SLC24A2: variants seen among roughly 807,000 people sequenced by gnomAD.
SLC24A2 encodes solute carrier family 24 member 2, also known as sodium/potassium/calcium exchanger 2.
In SLC24A2, 36 loss-of-function variants were observed where a neutral mutation model predicts 62.0. That is an observed-to-expected ratio of 0.58 (90% CI 0.44 to 0.77). The LOEUF (loss-of-function observed/expected upper bound fraction) is 0.77, where lower values mean the gene tolerates loss of function less well. Among genes scored for constraint, SLC24A2 ranks in the 30% least tolerant of loss-of-function variants. SLC24A2 has a pLI of 0.00. For synonymous variants in SLC24A2, 358 were observed against 294.0 expected (o/e 1.22, Z -2.23); for missense variants, 846 against 817.9 (o/e 1.03, Z -0.42).
At chr9:20,145,462 A>G in the SLC24A2 span, among the ~76,000 whole-genome samples, 1 of 152,114 alleles carries the variant, frequency 6.6e-6, no homozygotes, top group East Asian at 1.9e-4. Context: ...CGATCTCAAC[A>G]GTGAATAGTA....
rs528511573 is a variant in SLC24A2, at chr9:19,786,697, C to A, written c.170G>T (p.Ser57Ile). The change falls in exon 2 of 11, where the codon AGT becomes ATT. Residue 57 changes from serine (S) to isoleucine (I), a missense_variant. Transcript: ENST00000341998. This position sits in a 1 kb window ranked among gnomAD's most constrained non-coding sequence, Gnocchi z 5.0. ...VAISTVSFSI[S>I]AFSETDTQST... Reference sequence around the variant, plus strand: ...CTGTGTATCTGTCTCAGAAAAGGCACTGATTGAAAATGAGACAGTGCTAAT... The same window carrying A: ...CTGTGTATCTGTCTCAGAAAAGGCAATGATTGAAAATGAGACAGTGCTAAT... 1.3e-5 allele frequency: 21 copies of A among 1,612,138 alleles called. No individual in the cohort carries two copies. The South Asian group carries it at 2.2e-4, about 17-fold the overall frequency.
At chr9:19,943,794 A>G in the SLC24A2 span, among the ~76,000 whole-genome samples, 4 of 152,316 alleles carry the variant, frequency 2.6e-5, no homozygotes, top group Admixed American at 1.3e-4. Flanking sequence ...TCTCTTCACT[A>G]ATACTTGAAA....
intron 2 of SLC24A2, among the ~76,000 whole-genome samples, chr9:19,642,940 A>C (rs1460823473): frequency 1.4e-5 from 2 of 147,968 alleles, no homozygotes; most frequent in Admixed American, 1.3e-4. Context: ...TTGGCTTCCC[A>C]AAGTGCTGGG....
chr9:19,933,466 C>T, the SLC24A2 span, among the ~76,000 whole-genome samples: 1 of 151,964 alleles, frequency 6.6e-6, no homozygotes, highest in African/African-American at 2.4e-5. Context: ...ATTCTTAGTT[C>T]CATTCATTCA....
chr9:19,654,186 G>A (rs1159673434), intron 2 of SLC24A2, among the ~76,000 whole-genome samples: 1 of 152,034 alleles, frequency 6.6e-6, no homozygotes, highest in Non-Finnish European at 1.5e-5. Flanking sequence ...GAATGTAGTG[G>A]AATCATATAG....
chr9:20,008,548 T>G, the SLC24A2 span, among the ~76,000 whole-genome samples: 1 of 152,168 alleles, frequency 6.6e-6, no homozygotes, highest in African/African-American at 2.4e-5. Flanking sequence ...CATAGCCACC[T>G]TGGCAGCTCC....
At chr9:19,709,754 G>A (rs963132952) in intron 2 of SLC24A2, among the ~76,000 whole-genome samples, 9 of 108,020 alleles carry the variant, frequency 8.3e-5, no homozygotes, top group Non-Finnish European at 1.4e-4. Flanking sequence ...CTGTTGTGGT[G>A]TGGGGGGTGG....
At chr9:19,985,565 G>A in the SLC24A2 span, among the ~76,000 whole-genome samples, 2 of 152,102 alleles carry the variant, frequency 1.3e-5, no homozygotes, top group Admixed American at 1.3e-4. Context: ...ATTCTTGCCA[G>A]GGACCAGGGT....
chr9:20,233,616 G>A, the SLC24A2 span, among the ~76,000 whole-genome samples: 2 of 152,154 alleles, frequency 1.3e-5, no homozygotes, highest in Non-Finnish European at 2.9e-5. Flanking sequence ...GAGCCTATGT[G>A]TGTCTCTGCA....
At chr9:19,560,366 G>A (rs1375874370) in intron 7 of SLC24A2, among the ~76,000 whole-genome samples, 1 of 145,054 alleles carries the variant, frequency 6.9e-6, no homozygotes. Flanking sequence ...CAGAGATGAG[G>A]CCTCTAATGA....
intron 2 of SLC24A2, among the ~76,000 whole-genome samples, chr9:19,670,248 G>T (rs1262556110): frequency 6.6e-6 from 1 of 152,192 alleles, no homozygotes; most frequent in South Asian, 2.1e-4. Context: ...GGGGAGACAT[G>T]TTATCTCATC....
the SLC24A2 span, among the ~76,000 whole-genome samples, chr9:20,303,258 C>A: frequency 6.6e-6 from 1 of 152,220 alleles, no homozygotes; most frequent in Middle Eastern, 3.4e-3. Flanking sequence ...GAAACAGGGG[C>A]CTCCAAAGGG....
chr9:20,077,948 G>A, the SLC24A2 span, among the ~76,000 whole-genome samples: 6 of 152,250 alleles, frequency 3.9e-5, no homozygotes, highest in East Asian at 9.6e-4. Flanking sequence ...AACTATATTA[G>A]AACTAGAGGT....
the SLC24A2 span, among the ~76,000 whole-genome samples, chr9:19,829,764 T>C: frequency 1.8e-4 from 9 of 48,832 alleles, no homozygotes; most frequent in African/African-American, 4.2e-4. Context: ...TTTATATATA[T>C]ATGTGTGTGT....
At chr9:19,543,742 G>A (rs1387118199) in intron 8 of SLC24A2, among the ~76,000 whole-genome samples, 1 of 152,126 alleles carries the variant, frequency 6.6e-6, no homozygotes, top group Admixed American at 6.6e-5. Context: ...GTGCAGTTTT[G>A]AGTGAGTTTC....
At chr9:20,063,664 G>A in the SLC24A2 span, among the ~76,000 whole-genome samples, 1 of 152,048 alleles carries the variant, frequency 6.6e-6, no homozygotes, top group African/African-American at 2.4e-5. Flanking sequence ...AAAAATAAAA[G>A]ACTTGTATCT....
chr9:19,533,336 C>T (rs546027879), intron 8 of SLC24A2, among the ~76,000 whole-genome samples: 4 of 152,130 alleles, frequency 2.6e-5, no homozygotes, highest in East Asian at 1.9e-4. Flanking sequence ...CTCAAGAGGT[C>T]CCTGTGGAAG....
chr9:20,267,907 G>A, the SLC24A2 span, among the ~76,000 whole-genome samples: 483 of 152,214 alleles, frequency 3.2e-3, 6 homozygotes, highest in African/African-American at 0.011. Flanking sequence ...CTGGGTGCCA[G>A]GAAGTGAGAA....
At chr9:20,105,951 C>T in the SLC24A2 span, among the ~76,000 whole-genome samples, 2 of 152,000 alleles carry the variant, frequency 1.3e-5, no homozygotes, top group African/African-American at 4.8e-5. Flanking sequence ...AAACCGCTGG[C>T]AAGACTAATA....
Sources: allele counts gnomAD v4.1 joint callset (sites outside exome capture counted in the v4.1 genomes callset), GRCh38; gene constraint gnomAD v4.1.1; non-coding constraint Gnocchi (gnomAD v3.1); transcripts MANE v1.5; gene names NCBI Gene and HGNC (gene_info 2026-07-23, HGNC 2026-07-21).